PHC2: variants seen among roughly 807,000 people sequenced by gnomAD.
PHC2 encodes polyhomeotic-like protein 2.
A neutral mutation model predicts 87.4 loss-of-function variants in PHC2; 29 were observed. That is an observed-to-expected ratio of 0.33 (90% CI 0.25 to 0.45). The LOEUF (loss-of-function observed/expected upper bound fraction) is 0.45. Ranked by LOEUF, PHC2 falls within the 20% of genes least tolerant of loss-of-function variation. The pLI is 1.00. For synonymous variants in PHC2, 438 were observed against 461.7 expected (o/e 0.95, Z 0.66); for missense variants, 857 against 1,136.7 (o/e 0.75, Z 3.54).
chr1:33,398,970 C>G (rs987530169), intron 1 of PHC2, among the ~76,000 whole-genome samples: 7 of 152,132 alleles, frequency 4.6e-5, no homozygotes, highest in Admixed American at 3.9e-4. Flanking sequence ...TTTCTTTCTT[C>G]AGGCAGTCTG....
intron 1 of PHC2, among the ~76,000 whole-genome samples, chr1:33,426,717 G>C (rs1048119056): frequency 5.3e-5 from 8 of 152,122 alleles, no homozygotes; most frequent in Non-Finnish European, 1.5e-5. Context: ...GGGACCATAG[G>C]AAAGTGTGAT....
intron 1 of PHC2, among the ~76,000 whole-genome samples, chr1:33,394,376 G>T (rs1337930936): frequency 1.3e-5 from 2 of 151,770 alleles, no homozygotes; most frequent in Non-Finnish European, 2.9e-5. Context: ...TCAACTTTTT[G>T]CACTTATCAT....
chr1:33,422,384 T>C (rs1282475347), intron 1 of PHC2, among the ~76,000 whole-genome samples: 1 of 152,138 alleles, frequency 6.6e-6, no homozygotes, highest in African/African-American at 2.4e-5. Context: ...TAAATAAATA[T>C]GATTGTAGAG....
chr1:33,347,377 A>G (rs1341807723), intron 9 of PHC2: 4 of 985,294 alleles, frequency 4.1e-6, no homozygotes, highest in African/African-American at 1.7e-5. Flanking sequence ...GACAGAAGGA[A>G]AAGGGGCTGG....
At position 33,354,556 on chromosome 1, in the gene PHC2, C is replaced by T; in HGVS notation, c.1403G>A (p.Cys468Tyr). The T allele has an allele frequency of 6.2e-7, 1 of 1,613,384 alleles. No homozygotes were observed. The highest frequency in any genetic ancestry group is 8.5e-7 in the Non-Finnish European group (1 of 1,179,582). ...CACTTCTTTCCAGTCATCAGGGACA[C>T]ACTGCTGGGGCTGTCAAAGGACAGG... is the stretch of plus-strand genomic sequence containing the variant. ...LQPASPVPQQ[C>Y]VPDDWKEVAP... is the part of the protein sequence containing the mutation. The change falls in exon 9 of 15, where the codon TGT becomes TAT. Residue 468 changes from cysteine (C) to tyrosine (Y), a missense_variant. By Grantham distance (194) the Cys-to-Tyr change is radical. Coordinates refer to ENST00000683057, the MANE Select transcript of PHC2 (RefSeq NM_001385109.1).
chr1:33,372,592 C>CA (rs1320296022), intron 2 of PHC2, 145 bp from the exon 3 acceptor site: 1 of 595,856 alleles, frequency 1.7e-6, no homozygotes, highest in Non-Finnish European at 2.6e-6. Context: ...CAATTGTGGC[C>CA]ACTCTCTAGG....
At chr1:33,389,529 C>T (rs1399385712) in intron 1 of PHC2, among the ~76,000 whole-genome samples, 4 of 152,160 alleles carry the variant, frequency 2.6e-5, no homozygotes, top group Non-Finnish European at 2.9e-5. Context: ...AGGACATTTC[C>T]TCCTGCTTGC....
At chr1:33,326,176 G>C (rs892619710) in intron 14 of PHC2, 4 of 212,102 alleles carry the variant, frequency 1.9e-5, no homozygotes, top group Non-Finnish European at 3.9e-5. Context: ...AGGAGAGAGA[G>C]AAGGTAAAAA....
At chr1:33,416,559 G>C (rs1285578300) in intron 1 of PHC2, among the ~76,000 whole-genome samples, 1 of 128,080 alleles carries the variant, frequency 7.8e-6, no homozygotes, top group Admixed American at 8.9e-5. Context: ...CTGGGCAACA[G>C]AGTGAGATTC....
At chr1:33,429,965 GA>G (rs1241248811) in intron 1 of PHC2, among the ~76,000 whole-genome samples, 3 of 152,168 alleles carry the variant, frequency 2.0e-5, no homozygotes. Context: ...ACACTTCCAA[GA>G]AACTCCCAGG....
rs1647305629 is a variant in PHC2 at position 33,364,334 on chromosome 1, G to A, written c.976+2782C>T. Among the ~76,000 whole-genome samples the A allele has an allele frequency of 6.6e-6, 1 of 151,872 alleles. No homozygotes were observed. The highest frequency in any genetic ancestry group is 1.5e-5 in the Non-Finnish European group (1 of 67,988). On this transcript the variant is annotated intron_variant, in intron 7 of 14. Transcript: ENST00000683057. This position sits in a 1 kb window ranked among gnomAD's most constrained non-coding sequence, Gnocchi z 4.1. ...CCAATAACAAACAAAAAATGTGTGC[G>A]CGCTCGCTTGCTTTCTCTCTCCCAG...
At chr1:33,385,743 GT>G (rs1398206007) in intron 1 of PHC2, among the ~76,000 whole-genome samples, 1 of 152,076 alleles carries the variant, frequency 6.6e-6, no homozygotes, top group Non-Finnish European at 1.5e-5. Context: ...GCCAGTTATA[GT>G]CAGCACAGTG....
Position 33,349,660 on chromosome 1 carries a change from C to A in PHC2, c.1558+4741G>T. On this transcript the variant is annotated intron_variant, in intron 9 of 14. Transcript: ENST00000683057. This position sits in a 1 kb window ranked among gnomAD's most constrained non-coding sequence, Gnocchi z 4.2. Reference sequence around the variant, plus strand: ...ACGCAGCCCCTCGGCCGGGCGCCGACTCGCGCGGGGTCCCGGGCCCGGGCG... The same window carrying A: ...ACGCAGCCCCTCGGCCGGGCGCCGAATCGCGCGGGGTCCCGGGCCCGGGCG... 8 of 983,008 alleles carry A rather than the reference C, an allele frequency of 8.1e-6. No individual in the cohort carries two copies. Among genetic ancestry groups the A allele is most frequent in the Non-Finnish European group, 9.6e-6 (8 of 829,364 alleles). The allele number at this position is 983,008 out of a possible 1,614,324, so 60.9% of individuals were successfully genotyped here.
At chr1:33,399,144 T>G (rs1013409759) in intron 1 of PHC2, among the ~76,000 whole-genome samples, 4 of 152,128 alleles carry the variant, frequency 2.6e-5, no homozygotes, top group African/African-American at 4.8e-5. Context: ...CTGTCCTGCA[T>G]TATGAGTGTG....
intron 7 of PHC2, among the ~76,000 whole-genome samples, chr1:33,362,676 G>T (rs1401031513): frequency 6.6e-6 from 1 of 152,212 alleles, no homozygotes; most frequent in Non-Finnish European, 1.5e-5. Context: ...CACACAGATG[G>T]TCACACGCGC....
intron 1 of PHC2, among the ~76,000 whole-genome samples, chr1:33,391,712 T>G (rs1330057501): frequency 6.7e-6 from 1 of 150,124 alleles, no homozygotes; most frequent in Non-Finnish European, 1.5e-5. Context: ...CTTCTAAAAA[T>G]TCAGATGTGG....
intron 1 of PHC2, among the ~76,000 whole-genome samples, chr1:33,422,504 C>A (rs1650470161): frequency 6.6e-6 from 1 of 152,304 alleles, no homozygotes; most frequent in East Asian, 1.9e-4. Context: ...TGGCTTGAAG[C>A]TACAATACAC....
In PHC2 at chr1:33,343,276, C is replaced by T. The variant is rs557316661; in HGVS notation, c.1559-8984G>A. Among the ~76,000 whole-genome samples the T allele has an allele frequency of 2.4e-3, 359 of 151,328 alleles. 1 individual carries two copies. The highest frequency in any genetic ancestry group is 4.3e-3 in the Non-Finnish European group (293 of 67,844). On this transcript the variant is annotated intron_variant, in intron 9 of 14. Transcript: ENST00000683057. ...AAGAGATTGAGACCATCCTGGTCAA[C>T]ATGGTGAAACCCTGTCTCTAGTAAA...
At chr1:33,363,829 C>T in intron 7 of PHC2, 1 of 985,268 alleles carries the variant, frequency 1.0e-6, no homozygotes, top group East Asian at 1.1e-4. Context: ...TGGCCCACTC[C>T]CTTAGGACTC....
Sources: gnomAD v4.1 joint callset for allele counts (sites outside exome capture counted in the v4.1 genomes callset) on GRCh38, gnomAD v4.1.1 for gene constraint, Gnocchi (gnomAD v3.1) non-coding constraint, MANE v1.5 for transcripts, NCBI Gene and HGNC (gene_info 2026-07-23, HGNC 2026-07-21) for gene names.